The following ZEB1 variants were observed in gnomAD, a reference collection of about 807,000 sequenced individuals.
The protein encoded by ZEB1 is zinc finger E-box binding homeobox 1, also known as zinc finger E-box-binding homeobox 1.
Under a neutral mutation model 84.9 loss-of-function variants are expected in ZEB1, and 21 were observed. The observed-to-expected ratio is 0.25, with a 90% confidence interval of 0.18 to 0.36. ZEB1 has a LOEUF of 0.36. Ranked by LOEUF, ZEB1 falls within the 10% of genes least tolerant of loss-of-function variation. The pLI is 1.00. For missense variants in ZEB1, 1,104 were observed against 1,330.2 expected (o/e 0.83, Z 2.65); for synonymous variants, 420 against 471.1 (o/e 0.89, Z 1.41).
chr10:31,426,527 T>C (rs1275036406), intron 1 of ZEB1, among the ~76,000 whole-genome samples: 2 of 152,214 alleles, frequency 1.3e-5, no homozygotes, highest in Non-Finnish European at 2.9e-5. Flanking sequence ...TCAGTCTAAC[T>C]TTATAACGCT....
At position 31,392,224 on chromosome 10, in the gene ZEB1, A is replaced by T. The variant is rs186943610; in HGVS notation, c.59-68813A>T. ...GAGGCTATGTGATAAGTTCTTGAAG[A>T]TAGATTAAAAAGAAAAGGAATTATC... On this transcript the variant is annotated intron_variant, in intron 1 of 8. Coordinates refer to ENST00000424869, the MANE Select transcript of ZEB1 (RefSeq NM_001174096.2). 2.3e-3 allele frequency among the ~76,000 whole-genome samples: 350 copies of T among 152,316 alleles called. 2 individuals carry two copies. Among genetic ancestry groups the T allele is most frequent in the Non-Finnish European group, 8.4e-4 (57 of 68,020 alleles).
In ZEB1 at chr10:31,510,685, C is replaced by G. The variant is rs2139504688; in HGVS notation, c.497C>G (p.Ala166Gly). The G allele has an allele frequency of 2.5e-6, 4 of 1,613,218 alleles. No homozygotes were observed. Among genetic ancestry groups the G allele is most frequent in the Non-Finnish European group, 3.4e-6 (4 of 1,179,366 alleles). Residue 166 changes from alanine to glycine, a missense_variant, in exon 5 of 9, where the codon GCA becomes GGA. Coordinates refer to ENST00000424869, the MANE Select transcript of ZEB1 (RefSeq NM_001174096.2). ...SGHDENGTPDAFSQLLTCPYC... is the reference protein window; with the variant it reads ...SGHDENGTPDGFSQLLTCPYC... ...CTTTCTTTTACAGGAACACCAGATG[C>G]ATTTTCACAATTACTCACCTGTCCA...
chr10:31,516,150 CTCAA>C (rs1051035489), intron 6 of ZEB1, among the ~76,000 whole-genome samples: 14 of 152,110 alleles, frequency 9.2e-5, no homozygotes, highest in Admixed American at 2.0e-4. Flanking sequence ...AAAAATCAGT[CTCAA>C]TCAAGTAGTA....
chr10:31,514,806 C>T (rs1171808312), intron 6 of ZEB1, 98 bp downstream of exon 6: 3 of 1,000,192 alleles, frequency 3.0e-6, no homozygotes, highest in African/African-American at 3.3e-5. Flanking sequence ...TCAGAAACTC[C>T]TTGCATTTCT....
chr10:31,413,482 A>G (rs1449049989), intron 1 of ZEB1, among the ~76,000 whole-genome samples: 1 of 152,206 alleles, frequency 6.6e-6, no homozygotes, highest in African/African-American at 2.4e-5. Flanking sequence ...AGAGGGAGAG[A>G]AACACTGGTA....
chr10:31,430,522 A>G (rs924542771), intron 1 of ZEB1, among the ~76,000 whole-genome samples: 1 of 152,206 alleles, frequency 6.6e-6, no homozygotes, highest in Non-Finnish European at 1.5e-5. Context: ...TTTAATAGTT[A>G]CTTAGTAATA....
At chr10:31,396,729 C>T (rs1449039235) in intron 1 of ZEB1, among the ~76,000 whole-genome samples, 1 of 152,130 alleles carries the variant, frequency 6.6e-6, no homozygotes, top group Non-Finnish European at 1.5e-5. Context: ...TTTTACTTTA[C>T]TCACCACCAT....
chr10:31,523,374 A>G lies in ZEB1; in HGVS notation c.2605-559A>G, dbSNP rs190998853. Among the ~76,000 whole-genome samples, 9 of 152,332 alleles carry G rather than the reference A, an allele frequency of 5.9e-5. No homozygotes were observed. The East Asian group carries it at 1.7e-3, about 29-fold the overall frequency. On this transcript the variant is annotated intron_variant, in intron 7 of 8. Coordinates refer to ENST00000424869, the MANE Select transcript of ZEB1 (RefSeq NM_001174096.2). ...GTTTTTCCATCTTGCTCCTTAGACAAGTGGTAGAGCACACCTCTCTCTTTT... is the reference window on the plus strand; with the variant it reads ...GTTTTTCCATCTTGCTCCTTAGACAGGTGGTAGAGCACACCTCTCTCTTTT...
rs1224072312 is a variant in ZEB1, at chr10:31,527,858, A to G, written c.*594A>G. ...TTCAGTCTAGAAGGTAGTAATTTCT[A>G]ATATTTAGATGTCTTAGTAGAGCGT... On this transcript the variant is annotated 3_prime_UTR_variant, in exon 9 of 9. Coordinates refer to ENST00000424869, the MANE Select transcript of ZEB1 (RefSeq NM_001174096.2). 13 of 153,584 alleles carry G rather than the reference A, an allele frequency of 8.5e-5. No homozygotes were observed. The highest frequency in any genetic ancestry group is 7.8e-4 in the Admixed American group (12 of 15,424). The allele number at this position is 153,584 out of a possible 1,614,324, so 9.5% of individuals were successfully genotyped here.
chr10:31,361,822 C>T (rs2043165029), intron 1 of ZEB1, among the ~76,000 whole-genome samples: 1 of 151,278 alleles, frequency 6.6e-6, no homozygotes, highest in Non-Finnish European at 1.5e-5. Context: ...AGAGGCGCTC[C>T]TCATTTCCCA....
chr10:31,471,206 C>T (rs1204761782), intron 2 of ZEB1, among the ~76,000 whole-genome samples: 4 of 120,978 alleles, frequency 3.3e-5, no homozygotes, highest in South Asian at 3.4e-4. Flanking sequence ...CAAATTCACA[C>T]ATAACAATAT....
At position 31,383,414 on chromosome 10, in the gene ZEB1, A is replaced by G. The variant is rs142013396; in HGVS notation, c.58+64122A>G. Among the ~76,000 whole-genome samples the G allele has an allele frequency of 2.6e-3, 391 of 152,334 alleles. 2 individuals carry two copies. The highest frequency in any genetic ancestry group is 0.012 in the South Asian group (56 of 4,826). On this transcript the variant is annotated intron_variant, in intron 1 of 8. Coordinates refer to ENST00000424869, the MANE Select transcript of ZEB1 (RefSeq NM_001174096.2). ...CCAGAAATAAAGAGAAATGTTTGGT[A>G]TAAGTGAAAATAAAATAGTAAATTT...
chr10:31,503,028 G>A (rs1400690561), intron 4 of ZEB1, among the ~76,000 whole-genome samples: 1 of 152,030 alleles, frequency 6.6e-6, no homozygotes, highest in Non-Finnish European at 1.5e-5. Context: ...AGTTTGGGAG[G>A]AAAAGACTAT....
intron 1 of ZEB1, among the ~76,000 whole-genome samples, chr10:31,366,949 A>G (rs1463005494): frequency 6.6e-6 from 1 of 152,202 alleles, no homozygotes; most frequent in South Asian, 2.1e-4. Flanking sequence ...TTAGTGCTCA[A>G]ATATTTGATA....
At chr10:31,363,211 A>C (rs1307064808) in intron 1 of ZEB1, 4 of 1,533,970 alleles carry the variant, frequency 2.6e-6, no homozygotes, top group Non-Finnish European at 3.5e-6. Context: ...TTCACCCAGC[A>C]CCTTCAAGGC....
chr10:31,459,975 A>T (rs1221078385), intron 1 of ZEB1, among the ~76,000 whole-genome samples: 2 of 151,762 alleles, frequency 1.3e-5, no homozygotes, highest in African/African-American at 4.8e-5. Context: ...AGAATAACTG[A>T]TAGTAATTAC....
rs1306781984 is a variant in ZEB1 at position 31,514,732 on chromosome 10, A to G, written c.793+24A>G. The G allele has an allele frequency of 2.0e-6, 3 of 1,537,290 alleles. No individual in the cohort carries two copies. In the African/African-American group the frequency reaches 4.1e-5, roughly 21 times the overall value. On this transcript the variant is annotated intron_variant, in intron 6 of 8. Transcript: ENST00000424869. ...TGGTAAATATTTTTTTTCTTTCTAT[A>G]CCCTGAATATCATAGCATATGTGGT... is the stretch of plus-strand genomic sequence containing the variant.
intron 1 of ZEB1, among the ~76,000 whole-genome samples, chr10:31,367,968 TAC>T (rs557938210): frequency 6.7e-6 from 1 of 149,258 alleles, no homozygotes; most frequent in African/African-American, 2.5e-5. Context: ...TATATATATA[TAC>T]ACACACACAT....
At chr10:31,499,178 T>C (rs1234468799) in intron 3 of ZEB1, among the ~76,000 whole-genome samples, 3 of 152,304 alleles carry the variant, frequency 2.0e-5, no homozygotes, top group East Asian at 3.9e-4. Context: ...ATCTATTCCC[T>C]CATTTTCTGG....
Sources: allele counts gnomAD v4.1 joint callset (sites outside exome capture counted in the v4.1 genomes callset), GRCh38; gene constraint gnomAD v4.1.1; transcripts MANE v1.5; gene names NCBI Gene and HGNC (gene_info 2026-07-23, HGNC 2026-07-21).